NPLOC4: variants seen among roughly 807,000 people sequenced by gnomAD.
NPLOC4 encodes nuclear protein localization protein 4 homolog.
NPLOC4 carries 18 observed loss-of-function variants against 80.6 expected under a neutral mutation model. The ratio of observed to expected loss-of-function variants is 0.22; its 90% CI spans 0.15 to 0.33. The LOEUF (loss-of-function observed/expected upper bound fraction) is 0.33. Ranked by LOEUF, NPLOC4 falls within the 10% of genes least tolerant of loss-of-function variation. The probability of loss-of-function intolerance (pLI) is 1.00; values close to 1 mark genes in which losing one functional copy is unlikely to be tolerated. For synonymous variants in NPLOC4, 313 were observed against 301.5 expected (o/e 1.04, Z -0.39); for missense variants, 540 against 786.1 (o/e 0.69, Z 3.74).
chr17:81,572,709 G>A lies in NPLOC4; in HGVS notation c.1282-621C>T, dbSNP rs183180319. On this transcript the variant is annotated intron_variant, in intron 12 of 16. Transcript: ENST00000331134. This position sits in a 1 kb window ranked among gnomAD's most constrained non-coding sequence, Gnocchi z 4.5. Reference sequence around the variant, plus strand: ...ATGGCGCTTGGCCTGGCACTCAGGCGCGATCTGCGACAGGCAGAAGGGTCT... The same window carrying A: ...ATGGCGCTTGGCCTGGCACTCAGGCACGATCTGCGACAGGCAGAAGGGTCT... Among the ~76,000 whole-genome samples, 767 of 152,314 alleles carry A rather than the reference G, an allele frequency of 5.0e-3. 1 individual carries two copies. The highest frequency in any genetic ancestry group is 8.7e-3 in the Non-Finnish European group (590 of 68,034).
chr17:81,595,999 A>T, intron 11 of NPLOC4, 117 bp downstream of exon 11: 1 of 1,017,324 alleles, frequency 9.8e-7, no homozygotes. Flanking sequence ...TTTATATCCC[A>T]CAAGCCCAGT....
chr17:81,589,633 AC>A (rs2034682516), intron 11 of NPLOC4, among the ~76,000 whole-genome samples: 1 of 152,062 alleles, frequency 6.6e-6, no homozygotes, highest in Admixed American at 6.6e-5. Context: ...CTCCGCACAC[AC>A]TTGGCTCCAC....
chr17:81,567,139 C>T lies in NPLOC4; in HGVS notation c.1566+278G>A, dbSNP rs1341551512. 6.6e-6 allele frequency among the ~76,000 whole-genome samples: 1 copy of T among 152,180 alleles called. No individual in the cohort carries two copies. The highest frequency in any genetic ancestry group is 1.5e-5 in the Non-Finnish European group (1 of 68,036). The stretch of plus-strand genomic sequence containing the variant: ...AGCTAAATCACCTCTGCTTCCCATT[C>T]GATTGTAACAGATGAAACCGTACTT... On this transcript the variant is annotated intron_variant, in intron 15 of 16. Transcript: ENST00000331134. The surrounding 1 kb of genome is among the most constrained non-coding windows in gnomAD (Gnocchi z 4.5).
At chr17:81,585,168 G>A (rs1367204490) in intron 12 of NPLOC4, among the ~76,000 whole-genome samples, 1 of 16,184 alleles carries the variant, frequency 6.2e-5, no homozygotes, top group South Asian at 1.5e-3. Flanking sequence ...AGACTCTGTC[G>A]CCAAAAAAAA....
At chr17:81,620,205 A>G (rs1181455229) in intron 3 of NPLOC4, among the ~76,000 whole-genome samples, 1 of 152,202 alleles carries the variant, frequency 6.6e-6, no homozygotes, top group Admixed American at 6.5e-5. Flanking sequence ...TCAAGTAACG[A>G]AAGAATAAAG....
At chr17:81,586,873 C>A (rs1212438630) in intron 12 of NPLOC4, among the ~76,000 whole-genome samples, 15 of 152,230 alleles carry the variant, frequency 9.9e-5, no homozygotes, top group Admixed American at 9.8e-4. Context: ...TGCAACTCGG[C>A]TCTGACCAGC....
chr17:81,636,100 G>C (rs2036064150), intron 1 of NPLOC4, among the ~76,000 whole-genome samples: 1 of 151,912 alleles, frequency 6.6e-6, no homozygotes, highest in Admixed American at 6.6e-5. Flanking sequence ...AGCCTCCCAA[G>C]TATCTGGGAT....
intron 12 of NPLOC4, among the ~76,000 whole-genome samples, chr17:81,578,338 G>A (rs1340441558): frequency 2.6e-5 from 4 of 152,032 alleles, no homozygotes; most frequent in Non-Finnish European, 5.9e-5. Context: ...GGCCACCTCG[G>A]CGCACCCTGC....
chr17:81,622,965 T>A (rs1436602559), intron 2 of NPLOC4, among the ~76,000 whole-genome samples: 1 of 150,586 alleles, frequency 6.6e-6, no homozygotes, highest in African/African-American at 2.4e-5. Flanking sequence ...GAGGATGAGG[T>A]GGGAGTATCA....
intron 2 of NPLOC4, among the ~76,000 whole-genome samples, chr17:81,628,361 A>T (rs146573045): frequency 0.12 from 18,042 of 151,954 alleles, 1,230 homozygotes; most frequent in African/African-American, 0.19. Context: ...AAAAATACAA[A>T]AAATTAGTCA....
intron 1 of NPLOC4, among the ~76,000 whole-genome samples, chr17:81,632,929 GA>G (rs2035968781): frequency 6.6e-6 from 1 of 152,060 alleles, no homozygotes. Context: ...AGGAGATTGA[GA>G]CCATCCTGGC....
intron 5 of NPLOC4, among the ~76,000 whole-genome samples, chr17:81,609,169 G>A (rs2035280823): frequency 6.6e-6 from 1 of 152,122 alleles, no homozygotes; most frequent in South Asian, 2.1e-4. Context: ...ACAGGTGCAC[G>A]CCACCACGCC....
intron 11 of NPLOC4, among the ~76,000 whole-genome samples, chr17:81,594,754 G>A (rs528483597): frequency 3.7e-4 from 56 of 151,758 alleles, no homozygotes; most frequent in African/African-American, 1.0e-3. Context: ...CAACCTGGGC[G>A]AGAGCGAGAC....
chr17:81,618,347 C>A (rs1209736169), intron 3 of NPLOC4, among the ~76,000 whole-genome samples: 1 of 150,394 alleles, frequency 6.6e-6, no homozygotes, highest in Admixed American at 6.6e-5. Flanking sequence ...TGCCTGGCCG[C>A]GACCCCGTCT....
At chr17:81,575,654 C>T (rs1454589512) in intron 12 of NPLOC4, among the ~76,000 whole-genome samples, 2 of 152,122 alleles carry the variant, frequency 1.3e-5, no homozygotes, top group African/African-American at 4.8e-5. Flanking sequence ...CCCCACACTA[C>T]GTGCGCAGGC....
At chr17:81,594,269 C>T (rs1290524760) in intron 11 of NPLOC4, among the ~76,000 whole-genome samples, 8 of 69,778 alleles carry the variant, frequency 1.1e-4, no homozygotes, top group Non-Finnish European at 1.7e-4. Flanking sequence ...AGCGAGACTC[C>T]GTCTCAAAAA....
chr17:81,591,674 A>G (rs2034748431), intron 11 of NPLOC4, among the ~76,000 whole-genome samples: 1 of 152,192 alleles, frequency 6.6e-6, no homozygotes, highest in South Asian at 2.1e-4. Flanking sequence ...CACATGCAGC[A>G]GCAGGACATA....
chr17:81,585,170 CAAAAAAAA>C (rs35473939), intron 12 of NPLOC4, among the ~76,000 whole-genome samples: 14 of 40,872 alleles, frequency 3.4e-4, no homozygotes, highest in Non-Finnish European at 4.0e-4. Context: ...ACTCTGTCGC[CAAAAAAAA>C]AAAAAAAAAA....
chr17:81,602,932 CATAT>C (rs150169696), intron 8 of NPLOC4, among the ~76,000 whole-genome samples: 60 of 143,186 alleles, frequency 4.2e-4, no homozygotes, highest in Non-Finnish European at 5.7e-4. Context: ...TACACACACA[CATAT>C]ATATATACAC....
Sources: allele counts gnomAD v4.1 joint callset (sites outside exome capture counted in the v4.1 genomes callset), GRCh38; gene constraint gnomAD v4.1.1; non-coding constraint Gnocchi (gnomAD v3.1); transcripts MANE v1.5; gene names NCBI Gene and HGNC (gene_info 2026-07-23, HGNC 2026-07-21).